ABHD12: variants seen among roughly 807,000 people sequenced by gnomAD.
The protein encoded by ABHD12 is lysophosphatidylserine lipase ABHD12.
Under a neutral mutation model 58.3 loss-of-function variants are expected in ABHD12, and 43 were observed. The observed-to-expected ratio is 0.74, with a 90% CI of 0.58 to 0.95. The LOEUF (loss-of-function observed/expected upper bound fraction) is 0.95. ABHD12 is among the 40% of genes least tolerant of loss of function. The probability of loss-of-function intolerance (pLI) is 0.00; values close to 1 mark genes in which losing one functional copy is unlikely to be tolerated. For synonymous variants in ABHD12, 219 were observed against 211.2 expected (o/e 1.04, Z -0.32); for missense variants, 539 against 537.2 (o/e 1.00, Z -0.03).
chr20:25,344,876 G>A (rs1372100359), intron 1 of ABHD12, among the ~76,000 whole-genome samples: 1 of 152,182 alleles, frequency 6.6e-6, no homozygotes, highest in Non-Finnish European at 1.5e-5. Flanking sequence ...AAAGGAGCAA[G>A]GGCAATACAA....
intron 2 of ABHD12, among the ~76,000 whole-genome samples, chr20:25,329,143 C>T (rs765227369): frequency 5.3e-5 from 8 of 152,342 alleles, no homozygotes; most frequent in Non-Finnish European, 1.0e-4. Context: ...TTGTGGCCCC[C>T]GTGACTCCAG....
In ABHD12 at chr20:25,307,952, A is replaced by C; in HGVS notation, c.867+14T>G. 1 of 1,477,696 alleles carries C rather than the reference A, an allele frequency of 6.8e-7. No homozygotes were observed. Among genetic ancestry groups the C allele is most frequent in the Non-Finnish European group, 9.4e-7 (1 of 1,060,960 alleles). 91.5% of individuals were successfully genotyped at this position (1,477,696 alleles called of 1,614,324 possible). The stretch of plus-strand genomic sequence containing the variant: ...AATAATGAAAAGTTAATTTTTAATA[A>C]AATCTGTACTTGCCACTGAAAATGG... On this transcript the variant is annotated intron_variant, in intron 9 of 12. Coordinates refer to ENST00000339157, the MANE Select transcript of ABHD12 (RefSeq NM_001042472.3).
At chr20:25,381,063 G>C (rs569512287) in intron 1 of ABHD12, among the ~76,000 whole-genome samples, 7 of 152,246 alleles carry the variant, frequency 4.6e-5, no homozygotes, top group Admixed American at 1.3e-4. Context: ...TCTCTTGCCT[G>C]GATGACCCTG....
At chr20:25,325,203 CAAAAAAAAAAAAAAAA>C (rs376306392) in intron 2 of ABHD12, among the ~76,000 whole-genome samples, 6 of 76,460 alleles carry the variant, frequency 7.8e-5, no homozygotes, top group Admixed American at 3.1e-4. Context: ...GACCCTGTTT[CAAAAAAAAAAAAAAAA>C]AAAAAAAAAA....
chr20:25,302,755 AGGGTAGGTGG>A (rs2088660948), intron 11 of ABHD12, among the ~76,000 whole-genome samples: 1 of 152,138 alleles, frequency 6.6e-6, no homozygotes, highest in South Asian at 2.1e-4. Context: ...CATTTCGGCA[AGGGTAGGTGG>A]GCCTGAGCTG....
At chr20:25,338,777 T>C in intron 2 of ABHD12, 1 of 994,878 alleles carries the variant, frequency 1.0e-6, no homozygotes, top group Non-Finnish European at 1.2e-6. Context: ...TATTTTTCAG[T>C]GGTCATCTTT....
rs776224682 is a variant in ABHD12, at chr20:25,339,293, T to C, written c.250A>G (p.Ile84Val). Residue 84 changes from isoleucine (I) to valine (V), a missense_variant, in exon 2 of 13, where the codon ATT (isoleucine) becomes GTT (valine). Physicochemically the swap from Ile to Val is conservative, Grantham distance 29. Transcript: ENST00000339157. The part of the protein sequence containing the change: ...KILFCVLGLY[I>V]AIPFLIKLCP... ...AGTTTGATGAGAAATGGAATGGCAA[T>C]GTACAACCCCAAAACACAGAAAAGT... is the stretch of plus-strand genomic sequence containing the variant. 22 of 1,614,174 alleles carry C rather than the reference T, an allele frequency of 1.4e-5. 1 individual carries two copies. The South Asian group carries it at 1.5e-4, about 11-fold the overall frequency.
At chr20:25,321,732 TGACC>T (rs2089070003) in intron 3 of ABHD12, among the ~76,000 whole-genome samples, 1 of 152,244 alleles carries the variant, frequency 6.6e-6, no homozygotes, top group Non-Finnish European at 1.5e-5. Context: ...AGAAGAGGGC[TGACC>T]AAGTCCCACT....
intron 6 of ABHD12, 114 bp from the exon 7 acceptor site, chr20:25,309,689 G>T (rs1005020946): frequency 1.1e-5 from 17 of 1,504,762 alleles, no homozygotes; most frequent in Non-Finnish European, 1.5e-5. Flanking sequence ...GGCCCGCTTG[G>T]CCCACCCTTC....
intron 1 of ABHD12, among the ~76,000 whole-genome samples, chr20:25,382,910 G>A (rs1407217972): frequency 6.6e-6 from 1 of 152,144 alleles, no homozygotes; most frequent in Non-Finnish European, 1.5e-5. Context: ...GGTACACTGA[G>A]TTAGGAAGAG....
intron 12 of ABHD12, among the ~76,000 whole-genome samples, chr20:25,301,198 G>T (rs2259928): frequency 6.6e-6 from 1 of 152,014 alleles, no homozygotes; most frequent in African/African-American, 2.4e-5. Context: ...AATTATAACC[G>T]CAAAGCAAAC....
chr20:25,301,492 G>A (rs928769301), intron 12 of ABHD12, among the ~76,000 whole-genome samples: 11 of 152,352 alleles, frequency 7.2e-5, no homozygotes, highest in Non-Finnish European at 1.3e-4. Flanking sequence ...GCTTAGGGTC[G>A]AAGTACCACA....
intron 1 of ABHD12, among the ~76,000 whole-genome samples, chr20:25,348,849 G>A (rs1249878598): frequency 2.0e-5 from 3 of 152,136 alleles, no homozygotes; most frequent in Non-Finnish European, 4.4e-5. Flanking sequence ...TTGGGAGGCC[G>A]AGATGGGCGG....
chr20:25,358,748 G>A (rs552044800), intron 1 of ABHD12, among the ~76,000 whole-genome samples: 21 of 152,136 alleles, frequency 1.4e-4, no homozygotes, highest in African/African-American at 4.6e-4. Context: ...TGTCCATATC[G>A]GCCACCCCCC....
chr20:25,350,923 A>G (rs2089589360), intron 1 of ABHD12, among the ~76,000 whole-genome samples: 1 of 151,492 alleles, frequency 6.6e-6, no homozygotes, highest in South Asian at 2.1e-4. Context: ...AAAGCTGTAG[A>G]AAAGCCTCAT....
downstream of ABHD12, chr20:25,296,426 C>A (rs977518115): frequency 6.2e-7 from 1 of 1,614,104 alleles, no homozygotes. Context: ...CGGGCAAGTT[C>A]TCCAGTGACC....
chr20:25,298,246 T>C (rs2088581411), downstream of ABHD12, among the ~76,000 whole-genome samples: 1 of 151,084 alleles, frequency 6.6e-6, no homozygotes, highest in Non-Finnish European at 1.5e-5. Context: ...CCCGGGGTCA[T>C]GTGTGCCTGA....
At chr20:25,326,957 A>G (rs2089186704) in intron 2 of ABHD12, among the ~76,000 whole-genome samples, 1 of 152,224 alleles carries the variant, frequency 6.6e-6, no homozygotes, top group African/African-American at 2.4e-5. Context: ...CAGTGCTAAA[A>G]CTATAGATGA....
chr20:25,300,111 G>A (rs1416240680), downstream of ABHD12: 3 of 825,658 alleles, frequency 3.6e-6, no homozygotes, highest in African/African-American at 3.7e-5. Flanking sequence ...GTCTGAGGCT[G>A]AGTCATGGAG....
Sources: allele counts gnomAD v4.1 joint callset (sites outside exome capture counted in the v4.1 genomes callset), GRCh38; gene constraint gnomAD v4.1.1; transcripts MANE v1.5; gene names NCBI Gene and HGNC (gene_info 2026-07-23, HGNC 2026-07-21).